The following RPA1 variants were observed in gnomAD, a reference collection of about 807,000 sequenced individuals.
The protein encoded by RPA1 is replication protein A1, also known as replication protein A 70 kDa DNA-binding subunit.
Under a neutral mutation model 83.0 loss-of-function variants are expected in RPA1, and 49 were observed. The observed-to-expected ratio is 0.59, with a 90% confidence interval of 0.47 to 0.75. RPA1 has a LOEUF of 0.75. Among genes scored for constraint, RPA1 ranks in the 30% least tolerant of loss-of-function variants. The pLI is 0.00. For missense variants in RPA1, 693 were observed against 776.1 expected (o/e 0.89, Z 1.27); for synonymous variants, 279 against 281.8 (o/e 0.99, Z 0.10).
chr17:1,874,014 T>A (rs7213021), intron 6 of RPA1, among the ~76,000 whole-genome samples: 10,465 of 75,330 alleles, frequency 0.14, 881 homozygotes, highest in East Asian at 0.21. Context: ...AAAAAAAAAA[T>A]ATATATATAT....
In RPA1 at chr17:1,853,202, G is replaced by T; in HGVS notation, c.361+13G>T. On this transcript the variant is annotated intron_variant, in intron 5 of 16. Coordinates refer to ENST00000254719, the MANE Select transcript of RPA1 (RefSeq NM_002945.5). ...CCCTATAATGAAGGTAAAATGCTTT[G>T]GCGTAGGTTGTAGCACTCAAATGAA... The T allele has an allele frequency of 6.2e-7, 1 of 1,602,760 alleles. No individual in the cohort carries two copies. Among genetic ancestry groups the T allele is most frequent in the Non-Finnish European group, 8.5e-7 (1 of 1,169,654 alleles).
Position 1,894,993 on chromosome 17 carries a change from A to T in RPA1, c.1660-16A>T. ...CAGTGGTTTCCATGTGTCAAGTTTT[A>T]TGTTTGTTTTTGCAGAATGAACAGG... On this transcript the variant is annotated splice_polypyrimidine_tract_variant and intron_variant, in intron 15 of 16. Coordinates refer to ENST00000254719, the MANE Select transcript of RPA1 (RefSeq NM_002945.5). The T allele has an allele frequency of 6.2e-7, 1 of 1,608,820 alleles. No homozygotes were observed. Among genetic ancestry groups the T allele is most frequent in the Non-Finnish European group, 8.5e-7 (1 of 1,175,944 alleles).
intron 1 of RPA1, among the ~76,000 whole-genome samples, chr17:1,834,468 A>C (rs1327632501): frequency 6.6e-6 from 1 of 152,246 alleles, no homozygotes; most frequent in African/African-American, 2.4e-5. Flanking sequence ...AATGAGTTGG[A>C]GAACCTTTGC....
intron 13 of RPA1, among the ~76,000 whole-genome samples, chr17:1,885,833 C>T (rs1261196315): frequency 2.0e-5 from 3 of 152,230 alleles, no homozygotes; most frequent in Admixed American, 6.5e-5. Flanking sequence ...TGGCAACTAT[C>T]GCCTCATGAA....
intron 15 of RPA1, 51 bp from the exon 16 acceptor site, chr17:1,894,958 G>A: frequency 1.4e-6 from 2 of 1,452,244 alleles, no homozygotes; most frequent in Non-Finnish European, 9.6e-7. Context: ...ATCAGTATTT[G>A]CAAGTTGTCC....
intron 14 of RPA1, 21 bp from the exon 15 acceptor site, chr17:1,891,812 A>G (rs1163624538): frequency 7.0e-7 from 1 of 1,420,676 alleles, no homozygotes; most frequent in Admixed American, 1.8e-5. Flanking sequence ...TGCTGAAATA[A>G]TGTAGAATTG....
Position 1,884,039 on chromosome 17 carries a change from G to T in RPA1, c.1374+95G>T, listed in dbSNP as rs141249650. ...GTTTCCAGCACCAGCTGTCAGAGCCGTAATTCTTACCCGGGGCTGTGACCT... is the reference window on the plus strand; with the variant it reads ...GTTTCCAGCACCAGCTGTCAGAGCCTTAATTCTTACCCGGGGCTGTGACCT... On this transcript the variant is annotated intron_variant, in intron 13 of 16. Transcript: ENST00000254719. The surrounding 1 kb of genome is among the most constrained non-coding windows in gnomAD (Gnocchi z 4.1). 5 of 1,538,776 alleles carry T rather than the reference G, an allele frequency of 3.2e-6. No homozygotes were observed. The highest frequency in any genetic ancestry group is 2.7e-6 in the Non-Finnish European group (3 of 1,129,220).
chr17:1,830,226 GAAC>G, intron 1 of RPA1, 100 bp downstream of exon 1: 4 of 599,830 alleles, frequency 6.7e-6, no homozygotes, highest in South Asian at 7.7e-5. Context: ...GACGGGGGAT[GAAC>G]GCGAGGGGAG....
At chr17:1,848,105 G>T (rs1764031513) in intron 4 of RPA1, among the ~76,000 whole-genome samples, 1 of 152,096 alleles carries the variant, frequency 6.6e-6, no homozygotes, top group African/African-American at 2.4e-5. Context: ...GACTGTCATT[G>T]TACACATGGT....
intron 4 of RPA1, among the ~76,000 whole-genome samples, chr17:1,847,453 G>C (rs1307143790): frequency 6.6e-6 from 1 of 152,186 alleles, no homozygotes; most frequent in Non-Finnish European, 1.5e-5. Flanking sequence ...CACTCCCCTG[G>C]GCTTTGCCTG....
intron 4 of RPA1, among the ~76,000 whole-genome samples, chr17:1,848,263 AAAG>A: frequency 6.6e-6 from 1 of 152,286 alleles, no homozygotes; most frequent in Non-Finnish European, 1.5e-5. Flanking sequence ...TGTTATTTAA[AAAG>A]AAGTGTTTGC....
At chr17:1,888,637 C>T (rs200237855) in intron 13 of RPA1, 38 bp from the exon 14 acceptor site, 11 of 1,577,368 alleles carry the variant, frequency 7.0e-6, no homozygotes, top group Non-Finnish European at 4.3e-6. Context: ...TGGGCGGGCT[C>T]GCGACTCCGT....
chr17:1,853,180 T>C lies in RPA1; in HGVS notation c.352T>C (p.Tyr118His), dbSNP rs751915350. Residue 118 changes from tyrosine to histidine, a missense_variant, in exon 5 of 17, where the codon TAT (tyrosine) becomes CAT (histidine). Tyr to His is a moderately conservative substitution (Grantham distance 83). Transcript: ENST00000254719. ...AGTGAAGATTGGCAATCCAGTGCCC[T>C]ATAATGAAGGTAAAATGCTTTGGCG... The part of the protein sequence containing the change: ...VGVKIGNPVP[Y>H]NEGLGQPQVA... 1 of 1,613,730 alleles carries C rather than the reference T, an allele frequency of 6.2e-7. No homozygotes were observed. Among genetic ancestry groups the C allele is most frequent in the East Asian group, 2.2e-5 (1 of 44,882 alleles).
At chr17:1,836,460 G>A (rs375094434) in intron 1 of RPA1, among the ~76,000 whole-genome samples, 2 of 151,888 alleles carry the variant, frequency 1.3e-5, no homozygotes, top group African/African-American at 2.4e-5. Flanking sequence ...ACAAATGTGC[G>A]CACCCCTGTA....
Position 1,884,072 on chromosome 17 carries a change from G to T in RPA1, c.1374+128G>T. The T allele has an allele frequency of 1.5e-6, 2 of 1,291,214 alleles. No individual in the cohort carries two copies. Among genetic ancestry groups the T allele is most frequent in the Non-Finnish European group, 1.1e-6 (1 of 937,068 alleles). 80.0% of individuals were successfully genotyped at this position (1,291,214 alleles called of 1,614,324 possible). On this transcript the variant is annotated intron_variant, in intron 13 of 16. Transcript: ENST00000254719. This position sits in a 1 kb window ranked among gnomAD's most constrained non-coding sequence, Gnocchi z 4.1. ...TACCCGGGGCTGTGACCTGAGCGTG[G>T]CATGGGGGTTGAGAATCACTGGCAG...
At chr17:1,856,770 G>A (rs1597433899) in intron 5 of RPA1, among the ~76,000 whole-genome samples, 1 of 151,482 alleles carries the variant, frequency 6.6e-6, no homozygotes, top group Non-Finnish European at 1.5e-5. Flanking sequence ...GCCCTCAAGT[G>A]ATCTGCCTGC....
chr17:1,830,222 GGA>G, intron 1 of RPA1, 96 bp downstream of exon 1: 2 of 1,007,722 alleles, frequency 2.0e-6, no homozygotes, highest in South Asian at 4.9e-5. Flanking sequence ...GGGCGACGGG[GGA>G]TGAACGCGAG....
rs1255973561 is a variant in RPA1 at position 1,898,722 on chromosome 17, A to G, written c.*1547A>G. On this transcript the variant is annotated 3_prime_UTR_variant, in exon 17 of 17. Transcript: ENST00000254719. ...AGAGGGACTCCTGCTCAGCCTCACT[A>G]ATTGTTTAGACACATTCCTTCCTAC... is the stretch of plus-strand genomic sequence containing the variant. 6.6e-6 allele frequency: 1 copy of G among 152,150 alleles called. No homozygotes were observed. Among genetic ancestry groups the G allele is most frequent in the Non-Finnish European group, 1.5e-5 (1 of 68,038 alleles). The allele number at this position is 152,150 out of a possible 1,614,324, so 9.4% of individuals were successfully genotyped here. A position where few individuals can be genotyped will look rare whatever the true frequency, so the allele number is the denominator to read the frequency against.
intron 5 of RPA1, among the ~76,000 whole-genome samples, chr17:1,854,779 A>C (rs964951411): frequency 6.6e-6 from 1 of 152,268 alleles, no homozygotes; most frequent in Non-Finnish European, 1.5e-5. Context: ...AAGGGTTACT[A>C]TCTTTACTAT....
Sources: allele counts gnomAD v4.1 joint callset (sites outside exome capture counted in the v4.1 genomes callset), GRCh38; gene constraint gnomAD v4.1.1; non-coding constraint Gnocchi (gnomAD v3.1); transcripts MANE v1.5; gene names NCBI Gene and HGNC (gene_info 2026-07-23, HGNC 2026-07-21).